The following SEMA3C variants were observed in gnomAD, a reference collection of about 807,000 sequenced individuals.
The protein encoded by SEMA3C is semaphorin-3C.
Under a neutral mutation model 89.4 loss-of-function variants are expected in SEMA3C, and 47 were observed. That is an observed-to-expected ratio of 0.53 (90% confidence interval 0.42 to 0.67). The LOEUF is 0.67. Among genes scored for constraint, SEMA3C ranks in the 30% least tolerant of loss-of-function variants. The pLI is 0.00. For synonymous variants in SEMA3C, 310 were observed against 320.2 expected (o/e 0.97, Z 0.34); for missense variants, 839 against 929.1 (o/e 0.90, Z 1.26).
At chr7:80,794,092 C>T (rs1789006600) in intron 11 of SEMA3C, among the ~76,000 whole-genome samples, 1 of 151,902 alleles carries the variant, frequency 6.6e-6, no homozygotes, top group Admixed American at 6.6e-5. Flanking sequence ...ATTTGCCTCC[C>T]CTACATATAA....
chr7:80,761,517 T>C, intron 14 of SEMA3C, 99 bp downstream of exon 14: 1 of 652,592 alleles, frequency 1.5e-6, no homozygotes, highest in Non-Finnish European at 2.6e-6. Context: ...CTTTATTTTG[T>C]TAGTACGATA....
chr7:80,766,772 G>A lies in SEMA3C; in HGVS notation c.1355-1529C>T, dbSNP rs151158013. On this transcript the variant is annotated intron_variant, in intron 12 of 17. Transcript: ENST00000265361. Reference sequence around the variant, plus strand: ...GCAGCTTCCCAGTAAGATCTCAGGAGCTGAGTGAGTGAGCTCAAGCATGTC... The same window carrying A: ...GCAGCTTCCCAGTAAGATCTCAGGAACTGAGTGAGTGAGCTCAAGCATGTC... 3.3e-3 allele frequency among the ~76,000 whole-genome samples: 502 copies of A among 152,336 alleles called. 3 individuals are homozygous for A. The highest frequency in any genetic ancestry group is 0.012 in the African/African-American group (480 of 41,586).
rs375668517 is a variant in SEMA3C, at chr7:80,809,916, A to AGT, written c.538+694_538+695insAC. Among the ~76,000 whole-genome samples the AGT allele has an allele frequency of 5.2e-3, 790 of 152,222 alleles. 6 individuals carry two copies. Among genetic ancestry groups the AGT allele is most frequent in the African/African-American group, 0.017 (718 of 41,540 alleles). ...TGGAATCTAAAAAAGTTGATCTCAT[A>AGT]GAAACAGAGGGTAGAAAGGTTAATT... On this transcript the variant is annotated intron_variant, in intron 6 of 17. Transcript: ENST00000265361.
In SEMA3C at chr7:80,827,368, C is replaced by T. The variant is rs190251147; in HGVS notation, c.327+57G>A. On this transcript the variant is annotated intron_variant, in intron 4 of 17. Coordinates refer to ENST00000265361, the MANE Select transcript of SEMA3C (RefSeq NM_006379.5). The stretch of plus-strand genomic sequence containing the variant: ...TGGCTTCCCTCAAAGTACATGGATT[C>T]GAAAACCAAATATTTAAGTTAGTGT... The T allele has an allele frequency of 7.0e-5, 101 of 1,438,658 alleles. No individual in the cohort carries two copies. The African/African-American group carries it at 9.8e-4, about 14-fold the overall frequency. 89.1% of individuals were successfully genotyped at this position (1,438,658 alleles called of 1,614,324 possible).
intron 10 of SEMA3C, among the ~76,000 whole-genome samples, chr7:80,800,388 G>A (rs1029309317): frequency 2.0e-5 from 3 of 152,000 alleles, no homozygotes; most frequent in African/African-American, 4.8e-5. Flanking sequence ...CTACAATCCA[G>A]GTGATAAACA....
intron 6 of SEMA3C, 129 bp from the exon 7 acceptor site, chr7:80,805,887 T>C: frequency 1.9e-6 from 1 of 520,108 alleles, no homozygotes; most frequent in Non-Finnish European, 3.2e-6. Flanking sequence ...CAAATATTAA[T>C]TGGTTTGCAT....
chr7:80,919,353 C>A, upstream of SEMA3C: 1 of 985,302 alleles, frequency 1.0e-6, no homozygotes, highest in Non-Finnish European at 1.2e-6. Flanking sequence ...TCGCAGTCCG[C>A]GGCGGAGTGA....
At chr7:80,772,052 A>T (rs1230484046) in intron 12 of SEMA3C, among the ~76,000 whole-genome samples, 1 of 152,240 alleles carries the variant, frequency 6.6e-6, no homozygotes, top group East Asian at 1.9e-4. Context: ...CAACTTGCTT[A>T]TTAAAATGAG....
chr7:80,863,960 ATATCACATATAT>A (rs1790862313), intron 2 of SEMA3C, among the ~76,000 whole-genome samples: 1 of 143,908 alleles, frequency 6.9e-6, no homozygotes, highest in African/African-American at 2.7e-5. Context: ...TATCACATGT[ATATCACATATAT>A]ATCACATATA....
chr7:80,852,421 A>T (rs1312997001), intron 2 of SEMA3C, among the ~76,000 whole-genome samples: 1 of 152,148 alleles, frequency 6.6e-6, no homozygotes, highest in African/African-American at 2.4e-5. Flanking sequence ...AACTCTCAGG[A>T]CACTGGTCTA....
chr7:80,812,818 G>A (rs1008470578), intron 5 of SEMA3C, among the ~76,000 whole-genome samples: 1 of 151,958 alleles, frequency 6.6e-6, no homozygotes, highest in Non-Finnish European at 1.5e-5. Context: ...ACAGGGTCTA[G>A]CTCTGTCACC....
chr7:80,778,058 G>T (rs1284931481), intron 12 of SEMA3C, among the ~76,000 whole-genome samples: 1 of 152,024 alleles, frequency 6.6e-6, no homozygotes, highest in East Asian at 1.9e-4. Context: ...AATTTTCTCT[G>T]TGAGGGTTAA....
At chr7:80,851,228 C>G (rs1163760292) in intron 2 of SEMA3C, among the ~76,000 whole-genome samples, 1 of 152,100 alleles carries the variant, frequency 6.6e-6, no homozygotes, top group Admixed American at 6.5e-5. Context: ...GACATTCGGC[C>G]TGGCACGGTG....
chr7:80,921,775 G>A (rs574363014), upstream of SEMA3C, among the ~76,000 whole-genome samples: 2 of 152,226 alleles, frequency 1.3e-5, no homozygotes, highest in East Asian at 3.9e-4. Context: ...ACACACTGAA[G>A]TGTCTCTGCC....
intron 2 of SEMA3C, among the ~76,000 whole-genome samples, chr7:80,899,355 C>T (rs557447103): frequency 9.2e-5 from 14 of 151,972 alleles, no homozygotes; most frequent in African/African-American, 3.1e-4. Context: ...CTTATTTTTT[C>T]GTAACAAATA....
intron 17 of SEMA3C, among the ~76,000 whole-genome samples, chr7:80,746,748 G>GTGTGTGTGT (rs1173019981): frequency 6.2e-5 from 1 of 16,072 alleles, no homozygotes; most frequent in African/African-American, 1.1e-4. Context: ...TGTGTGTGTG[G>GTGTGTGTGT]AGGGGAGGAA....
intron 11 of SEMA3C, among the ~76,000 whole-genome samples, chr7:80,792,090 A>G (rs1480087425): frequency 6.6e-6 from 1 of 152,216 alleles, no homozygotes. Flanking sequence ...TTATTCCATT[A>G]ACTAGACTTT....
At chr7:80,902,995 G>A (rs1297842512) in intron 2 of SEMA3C, among the ~76,000 whole-genome samples, 3 of 152,194 alleles carry the variant, frequency 2.0e-5, no homozygotes, top group African/African-American at 7.2e-5. Flanking sequence ...TCCTGGAACT[G>A]AGAGCCCTGA....
intron 2 of SEMA3C, among the ~76,000 whole-genome samples, chr7:80,867,610 G>T (rs1433843132): frequency 1.3e-5 from 2 of 152,120 alleles, no homozygotes; most frequent in Admixed American, 6.5e-5. Flanking sequence ...TACAGGCAGG[G>T]TGCATGCCAT....
Sources: allele counts gnomAD v4.1 joint callset (sites outside exome capture counted in the v4.1 genomes callset), GRCh38; gene constraint gnomAD v4.1.1; transcripts MANE v1.5; gene names NCBI Gene and HGNC (gene_info 2026-07-23, HGNC 2026-07-21).